CCDC171: variants seen among roughly 807,000 people sequenced by gnomAD.
CCDC171 encodes coiled-coil domain containing 171, also known as coiled-coil domain-containing protein 171.
Under a neutral mutation model 168.2 loss-of-function variants are expected in CCDC171, and 177 were observed. The ratio of observed to expected loss-of-function variants is 1.05; its 90% CI spans 0.93 to 1.19. The LOEUF (loss-of-function observed/expected upper bound fraction) is 1.19. Among genes scored for constraint, CCDC171 ranks in the 50% most tolerant of loss-of-function variants. The pLI is 0.00. For synonymous variants in CCDC171, 687 were observed against 540.8 expected (o/e 1.27, Z -3.75); for missense variants, 1,991 against 1,539.0 (o/e 1.29, Z -4.91).
chr9:15,771,980 G>A (rs530109640), intron 18 of CCDC171, among the ~76,000 whole-genome samples: 1 of 152,128 alleles, frequency 6.6e-6, no homozygotes, highest in African/African-American at 2.4e-5. Context: ...TTACAGGCAT[G>A]TGCCACCACA....
intron 10 of CCDC171, among the ~76,000 whole-genome samples, chr9:15,692,174 G>A (rs1338064478): frequency 4.6e-5 from 7 of 152,036 alleles, no homozygotes; most frequent in African/African-American, 7.2e-5. Context: ...CCAGGAGTTC[G>A]AGACCAGCTT....
intron 6 of CCDC171, among the ~76,000 whole-genome samples, chr9:15,608,075 G>T (rs1587373206): frequency 6.6e-6 from 1 of 152,254 alleles, no homozygotes; most frequent in East Asian, 1.9e-4. Context: ...GGCTGAGTGT[G>T]CCAGCTCAGG....
At chr9:15,975,913 G>T (rs1231056854), downstream of CCDC171, among the ~76,000 whole-genome samples, 1 of 152,092 alleles carries the variant, frequency 6.6e-6, no homozygotes. Flanking sequence ...GGATTAGCTG[G>T]GTGTGCTCTA....
At chr9:15,620,900 G>A (rs550360735) in intron 6 of CCDC171, among the ~76,000 whole-genome samples, 46 of 152,238 alleles carry the variant, frequency 3.0e-4, no homozygotes, top group African/African-American at 1.1e-3. Context: ...CACCATTAAA[G>A]ATGATGACTT....
At chr9:15,912,043 T>C (rs1278789457) in intron 24 of CCDC171, among the ~76,000 whole-genome samples, 1 of 152,236 alleles carries the variant, frequency 6.6e-6, no homozygotes. Context: ...TCTCTTTTTG[T>C]TCCATATGAA....
intron 7 of CCDC171, among the ~76,000 whole-genome samples, chr9:15,628,443 G>C (rs1439347632): frequency 2.0e-5 from 3 of 152,184 alleles, no homozygotes; most frequent in Non-Finnish European, 4.4e-5. Context: ...AGCAGTCTGA[G>C]ATCAAACTGC....
At chr9:15,801,335 G>C (rs2058811163) in intron 21 of CCDC171, among the ~76,000 whole-genome samples, 2 of 151,742 alleles carry the variant, frequency 1.3e-5, no homozygotes, top group African/African-American at 4.8e-5. Flanking sequence ...TAACTTATTT[G>C]GTTAAGTTAA....
At chr9:16,071,508 A>G in the CCDC171 span, among the ~76,000 whole-genome samples, 1 of 148,306 alleles carries the variant, frequency 6.7e-6, no homozygotes, top group African/African-American at 2.6e-5. Context: ...CCACTCCCAC[A>G]GTTGTGTTTT....
chr9:15,623,667 T>G (rs1379908988), intron 7 of CCDC171, among the ~76,000 whole-genome samples: 2 of 152,228 alleles, frequency 1.3e-5, no homozygotes, highest in Admixed American at 6.5e-5. Context: ...ATCTGTTCAC[T>G]TTTGAACAAT....
chr9:15,836,578 C>G (rs887741663), intron 21 of CCDC171, among the ~76,000 whole-genome samples: 11 of 152,146 alleles, frequency 7.2e-5, no homozygotes, highest in Non-Finnish European at 1.2e-4. Context: ...GTCTCGATCT[C>G]CTGACCTCGT....
At chr9:15,919,299 T>C (rs903871684) in intron 24 of CCDC171, among the ~76,000 whole-genome samples, 4 of 151,704 alleles carry the variant, frequency 2.6e-5, no homozygotes, top group African/African-American at 9.7e-5. Flanking sequence ...TTTCTTACTC[T>C]GTCTTTGTTC....
intron 25 of CCDC171, among the ~76,000 whole-genome samples, chr9:15,958,983 G>T (rs1369163778): frequency 6.6e-6 from 1 of 152,154 alleles, no homozygotes; most frequent in East Asian, 1.9e-4. Context: ...CATGTGCCCT[G>T]TCTCTCTCCA....
intron 3 of CCDC171, among the ~76,000 whole-genome samples, chr9:15,986,806 G>A (rs1220628759): frequency 1.3e-5 from 2 of 152,076 alleles, no homozygotes; most frequent in Non-Finnish European, 2.9e-5. Flanking sequence ...GATTCTATAA[G>A]GATTCTAAGA....
rs1436895813 is a variant in CCDC171 at position 15,571,670 on chromosome 9, A to G, written c.88A>G (p.Thr30Ala). The change falls in exon 3 of 26, where the codon ACA becomes GCA. Residue 30 changes from threonine to alanine, a missense_variant. Transcript: ENST00000380701. Reference protein sequence around the residue: ...LDVKQILKNETELDITDNLRK... With the variant: ...LDVKQILKNEAELDITDNLRK... ...TGTAAAACAAATACTTAAAAATGAA[A>G]CAGAGTTGGATATTACTGATAATCT... 6.4e-7 allele frequency: 1 copy of G among 1,569,622 alleles called. No homozygotes were observed. Among genetic ancestry groups the G allele is most frequent in the East Asian group, 2.3e-5 (1 of 42,762 alleles).
the CCDC171 span, among the ~76,000 whole-genome samples, chr9:16,103,539 G>A: frequency 2.0e-5 from 3 of 152,310 alleles, no homozygotes; most frequent in Admixed American, 2.0e-4. Context: ...ATCTGCAGGA[G>A]GCCTCATTTG....
chr9:15,621,356 C>G (rs921885221), intron 6 of CCDC171, among the ~76,000 whole-genome samples: 3 of 152,136 alleles, frequency 2.0e-5, no homozygotes, highest in African/African-American at 7.2e-5. Flanking sequence ...GCAAACATTA[C>G]TTTCATTTGC....
At chr9:15,868,085 GTAATTGGGATGTAACTA>G (rs1170909554) in intron 23 of CCDC171, among the ~76,000 whole-genome samples, 1 of 152,078 alleles carries the variant, frequency 6.6e-6, no homozygotes, top group Non-Finnish European at 1.5e-5. Context: ...TTTTATTTCT[GTAATTGGGATGTAACTA>G]TAATGTGTGG....
chr9:16,011,470 A>G (rs1266037318), intron 3 of CCDC171, among the ~76,000 whole-genome samples: 2 of 152,146 alleles, frequency 1.3e-5, no homozygotes, highest in African/African-American at 4.8e-5. Context: ...ATATAAACTT[A>G]TTATTCACAA....
chr9:15,824,460 G>A (rs2059929968), intron 21 of CCDC171, among the ~76,000 whole-genome samples: 1 of 151,732 alleles, frequency 6.6e-6, no homozygotes, highest in Admixed American at 6.6e-5. Context: ...GTCTTCTATT[G>A]GTGCTTTGCT....
Sources: gnomAD v4.1 joint callset for allele counts (sites outside exome capture counted in the v4.1 genomes callset) on GRCh38, gnomAD v4.1.1 for gene constraint, MANE v1.5 for transcripts, NCBI Gene and HGNC (gene_info 2026-07-23, HGNC 2026-07-21) for gene names.